Variants in RNF14 observed in about 807,000 individuals in gnomAD.
RNF14 encodes E3 ubiquitin-protein ligase RNF14.
RNF14 carries 26 observed loss-of-function variants against 52.6 expected under a neutral mutation model. That is an observed-to-expected ratio of 0.49 (90% CI 0.36 to 0.69). RNF14 has a LOEUF of 0.69. Ranked by LOEUF, RNF14 falls within the 30% of genes least tolerant of loss-of-function variation. The pLI, the probability that RNF14 is intolerant of heterozygous loss-of-function variation, is 0.00. For synonymous variants in RNF14, 194 were observed against 202.0 expected, an observed-to-expected ratio of 0.96 and a Z score of 0.34; for missense variants, 404 against 560.4, an observed-to-expected ratio of 0.72 and a Z score of 2.82.
At chr5:141,955,294 G>C, upstream of RNF14, 1 of 1,614,188 alleles carries the variant, frequency 6.2e-7, no homozygotes, top group Non-Finnish European at 8.5e-7. This position sits in a 1 kb window ranked among gnomAD's most constrained non-coding sequence, Gnocchi z 5.5. Flanking sequence ...CCTCTGCCTG[G>C]GATGGTTGAA....
At position 141,976,245 on chromosome 5, in the gene RNF14, T is replaced by A. The variant is rs146599563; in HGVS notation, c.306+1290T>A. ...TTAGGCCACTGATAGTTGGCTTAAT[T>A]ATTTAGATCTTCATAGTCCTATTTC... On this transcript the variant is annotated intron_variant, in intron 4 of 8. Transcript: ENST00000394520. Among the ~76,000 whole-genome samples, 676 of 152,348 alleles carry A rather than the reference T, an allele frequency of 4.4e-3. 9 individuals are homozygous for A. The highest frequency in any genetic ancestry group is 0.016 in the African/African-American group (645 of 41,580).
At chr5:141,958,418 A>G (rs1596648718) in exon 1 of RNF14, 1 of 153,648 alleles carries the variant, frequency 6.5e-6, no homozygotes, top group South Asian at 2.0e-4. Context: ...GAGCCTCTGC[A>G]TCACCAAGTG....
chr5:141,957,471 G>C (rs770280812), upstream of RNF14: 4 of 1,612,948 alleles, frequency 2.5e-6, no homozygotes, highest in East Asian at 8.9e-5. The surrounding 1 kb of genome is among the most constrained non-coding windows in gnomAD (Gnocchi z 4.3). Context: ...GGTCATTGAT[G>C]TCCAGCACTT....
the RNF14 span, chr5:141,951,669 C>T: frequency 1.1e-5 from 11 of 1,027,294 alleles, 1 homozygote; most frequent in Middle Eastern, 6.0e-4. Context: ...CCCTCAATGC[C>T]GGTGCTTTCT....
intron 8 of RNF14, 121 bp downstream of exon 8, chr5:141,985,054 C>T: frequency 1.1e-6 from 1 of 907,820 alleles, no homozygotes; most frequent in Non-Finnish European, 1.7e-6. Flanking sequence ...TACATGTTTT[C>T]CCCTATAAAG....
In RNF14 at chr5:141,988,404, T is replaced by A. The variant is rs1755418392; in HGVS notation, c.*614T>A. ...TGGAAATTTATAATATAAATATATG[T>A]TTTAATACCACAAACACTGTGGGGC... is the stretch of plus-strand genomic sequence containing the variant. On this transcript the variant is annotated 3_prime_UTR_variant, in exon 9 of 9. Transcript: ENST00000394520. The A allele has an allele frequency of 6.6e-6, 1 of 152,266 alleles. No individual in the cohort carries two copies. Among genetic ancestry groups the A allele is most frequent in the South Asian group, 2.1e-4 (1 of 4,836 alleles). 9.4% of individuals were successfully genotyped at this position (152,266 alleles called of 1,614,324 possible).
chr5:141,957,025 T>G, upstream of RNF14: 2 of 1,614,176 alleles, frequency 1.2e-6, no homozygotes, highest in Non-Finnish European at 1.7e-6. This position sits in a 1 kb window ranked among gnomAD's most constrained non-coding sequence, Gnocchi z 4.3. Flanking sequence ...CACCTCCCCA[T>G]TGGGGCCTTG....
chr5:141,967,104 G>A (rs1037145455), upstream of RNF14, among the ~76,000 whole-genome samples: 6 of 152,188 alleles, frequency 3.9e-5, no homozygotes, highest in Non-Finnish European at 8.8e-5. Flanking sequence ...AATTAGAAGT[G>A]ATTATTTCTA....
chr5:141,954,429 C>G (rs927749305), upstream of RNF14, among the ~76,000 whole-genome samples: 1 of 152,220 alleles, frequency 6.6e-6, no homozygotes, highest in Admixed American at 6.5e-5. Context: ...TGAGTACTGA[C>G]TACATGTCAG....
the RNF14 span, chr5:141,952,838 C>T: frequency 6.6e-6 from 1 of 152,216 alleles, no homozygotes; most frequent in Non-Finnish European, 1.5e-5. Context: ...TTCCTAGAAA[C>T]ACTGCTTCCT....
intron 6 of RNF14, 50 bp from the exon 7 acceptor site, chr5:141,983,330 G>A: frequency 2.1e-6 from 3 of 1,419,442 alleles, no homozygotes; most frequent in Non-Finnish European, 2.9e-6. Flanking sequence ...ATGATTTTTG[G>A]TCAGCATTAC....
At chr5:141,956,937 A>T, upstream of RNF14, 1 of 1,614,132 alleles carries the variant, frequency 6.2e-7, no homozygotes, top group Non-Finnish European at 8.5e-7. Context: ...GTCGACGCAG[A>T]ATGACCTGGC....
chr5:141,973,081 C>T (rs1309118186), intron 2 of RNF14, among the ~76,000 whole-genome samples: 1 of 152,170 alleles, frequency 6.6e-6, no homozygotes, highest in Non-Finnish European at 1.5e-5. Context: ...AGAAGTACCA[C>T]AACCATCCCT....
Position 141,987,774 on chromosome 5 carries a change from A to G in RNF14, c.1409A>G (p.Asp470Gly). 6.2e-7 allele frequency: 1 copy of G among 1,613,678 alleles called. No individual in the cohort carries two copies. The highest frequency in any genetic ancestry group is 8.5e-7 in the Non-Finnish European group (1 of 1,179,988). ...GATGTTGACGACGATATTTGGGAAG[A>G]TGAGGTAGAAGACTAGTTAACTACT... The part of the protein sequence containing the change: ...AVDVDDDIWE[D>G]EVED Residue 470 changes from aspartate (D) to glycine (G), a missense_variant, in exon 9 of 9, where the codon GAT (aspartate) becomes GGT (glycine). Transcript: ENST00000394520.
chr5:141,949,639 A>G, the RNF14 span: 1 of 1,556,872 alleles, frequency 6.4e-7, no homozygotes, highest in South Asian at 1.2e-5. Context: ...AGATTCATTC[A>G]TTCATGCCCA....
At chr5:141,984,985 T>C (rs751093159) in intron 8 of RNF14, 52 bp downstream of exon 8, 12 of 1,510,124 alleles carry the variant, frequency 7.9e-6, no homozygotes, top group Non-Finnish European at 1.0e-5. Context: ...GGTACTTGAT[T>C]TGCAGACCAC....
At chr5:141,952,966 G>T in the RNF14 span, 1 of 152,240 alleles carries the variant, frequency 6.6e-6, no homozygotes, top group African/African-American at 2.4e-5. Flanking sequence ...CAGGACTGGG[G>T]TTTCACTGTG....
chr5:141,957,393 C>T, upstream of RNF14: 1 of 1,613,702 alleles, frequency 6.2e-7, no homozygotes, highest in Non-Finnish European at 8.5e-7. The surrounding 1 kb of genome is among the most constrained non-coding windows in gnomAD (Gnocchi z 4.3). Flanking sequence ...CCAGGGGGAT[C>T]CGGGTTCGCA....
upstream of RNF14, among the ~76,000 whole-genome samples, chr5:141,953,885 T>G (rs997402352): frequency 6.6e-6 from 1 of 152,228 alleles, no homozygotes; most frequent in African/African-American, 2.4e-5. Context: ...GCTGATAGCC[T>G]GGCCAAACAG....
Sources: gnomAD v4.1 joint callset for allele counts (sites outside exome capture counted in the v4.1 genomes callset) on GRCh38, gnomAD v4.1.1 for gene constraint, Gnocchi (gnomAD v3.1) non-coding constraint, MANE v1.5 for transcripts, NCBI Gene and HGNC (gene_info 2026-07-23, HGNC 2026-07-21) for gene names.